The following CIAO2A variants were observed in gnomAD, a reference collection of about 807,000 sequenced individuals.
CIAO2A encodes the protein MIP18 family protein FAM96A.
A neutral mutation model predicts 22.4 loss-of-function variants in CIAO2A; 17 were observed. The ratio of observed to expected loss-of-function variants is 0.76; its 90% CI spans 0.52 to 1.14. The LOEUF (loss-of-function observed/expected upper bound fraction) is 1.14. Among genes scored for constraint, CIAO2A ranks in the 50% most tolerant of loss-of-function variants. The pLI, the probability that CIAO2A is intolerant of heterozygous loss-of-function variation, is 0.00. For synonymous variants in CIAO2A, 74 were observed against 72.3 expected, an observed-to-expected ratio of 1.02 and a Z score of -0.12; for missense variants, 192 against 191.4, an observed-to-expected ratio of 1.00 and a Z score of -0.02.
chr15:64,075,338 C>T (rs1236697245), intron 4 of CIAO2A, 154 bp downstream of exon 4: 2 of 544,294 alleles, frequency 3.7e-6, no homozygotes, highest in Non-Finnish European at 6.4e-6. Flanking sequence ...CTTTGAAATG[C>T]CTAGGTTTCC....
chr15:64,084,291 G>T (rs2080777618), intron 2 of CIAO2A, among the ~76,000 whole-genome samples: 1 of 151,888 alleles, frequency 6.6e-6, no homozygotes, highest in Non-Finnish European at 1.5e-5. Flanking sequence ...TACAGGTGTG[G>T]GCCACCACGT....
chr15:64,086,227 A>C (rs1382709361), intron 2 of CIAO2A, among the ~76,000 whole-genome samples: 1 of 151,438 alleles, frequency 6.6e-6, no homozygotes, highest in Non-Finnish European at 1.5e-5. Context: ...TGGCCAACAT[A>C]GTGAAACCCC....
intron 1 of CIAO2A, among the ~76,000 whole-genome samples, chr15:64,089,360 C>T (rs1413347976): frequency 6.6e-6 from 1 of 151,966 alleles, no homozygotes; most frequent in Non-Finnish European, 1.5e-5. Flanking sequence ...CCCGTCTCTA[C>T]AAAAAATACA....
At chr15:64,091,179 C>T (rs936916901) in intron 1 of CIAO2A, among the ~76,000 whole-genome samples, 3 of 152,130 alleles carry the variant, frequency 2.0e-5, no homozygotes, top group Non-Finnish European at 4.4e-5. Context: ...GGGCTTGTCA[C>T]TTGATTAGAA....
At chr15:64,079,696 G>C (rs2926690) in intron 3 of CIAO2A, among the ~76,000 whole-genome samples, 1 of 152,182 alleles carries the variant, frequency 6.6e-6, no homozygotes, top group African/African-American at 2.4e-5. Flanking sequence ...ATTCACGAGC[G>C]ATAACCAATT....
intron 3 of CIAO2A, among the ~76,000 whole-genome samples, chr15:64,080,643 C>T (rs769669182): frequency 5.3e-5 from 8 of 152,166 alleles, no homozygotes; most frequent in Admixed American, 1.3e-4. Context: ...GATGGCGCCA[C>T]TGAACTCCAG....
intron 3 of CIAO2A, among the ~76,000 whole-genome samples, chr15:64,078,726 A>C (rs2080738812): frequency 6.6e-6 from 1 of 151,644 alleles, no homozygotes; most frequent in Admixed American, 6.6e-5. Context: ...AGAAAAGGAC[A>C]CTCTCTACAT....
intron 2 of CIAO2A, among the ~76,000 whole-genome samples, chr15:64,086,280 C>T (rs942145767): frequency 4.0e-5 from 6 of 151,448 alleles, no homozygotes; most frequent in Non-Finnish European, 8.8e-5. Flanking sequence ...GGCATGGTGG[C>T]GGGCGCCTGT....
At chr15:64,074,398 T>C (rs981780208) in intron 4 of CIAO2A, 17 of 152,176 alleles carry the variant, frequency 1.1e-4, no homozygotes, top group Non-Finnish European at 2.2e-4. Flanking sequence ...ACTTAATAAA[T>C]ACTTACTAAA....
intron 3 of CIAO2A, among the ~76,000 whole-genome samples, chr15:64,079,642 A>C (rs1437649835): frequency 6.6e-6 from 1 of 152,222 alleles, no homozygotes; most frequent in African/African-American, 2.4e-5. Context: ...AGAAGGCATA[A>C]TTGCCCAGCA....
intron 2 of CIAO2A, 95 bp downstream of exon 2, chr15:64,088,592 T>A: frequency 2.9e-6 from 3 of 1,033,442 alleles, no homozygotes; most frequent in Admixed American, 2.9e-5. Context: ...ACTGTATGGT[T>A]TTTCAACAAT....
At chr15:64,092,097 A>C (rs919079273) in intron 1 of CIAO2A, among the ~76,000 whole-genome samples, 1 of 151,758 alleles carries the variant, frequency 6.6e-6, no homozygotes, top group Non-Finnish European at 1.5e-5. Context: ...AATTTAAAAG[A>C]AAGTTCTCCT....
At chr15:64,074,814 C>T (rs1039260480) in intron 4 of CIAO2A, 14 of 152,146 alleles carry the variant, frequency 9.2e-5, no homozygotes, top group African/African-American at 3.4e-4. Flanking sequence ...GCTCTTTCTT[C>T]CATTCCTCTG....
At chr15:64,078,956 A>T (rs2080740774) in intron 3 of CIAO2A, among the ~76,000 whole-genome samples, 1 of 152,038 alleles carries the variant, frequency 6.6e-6, no homozygotes, top group Non-Finnish European at 1.5e-5. Context: ...AGGGAGGCTC[A>T]CTTGAGCCTG....
chr15:64,077,074 A>G (rs1489758842), intron 3 of CIAO2A, among the ~76,000 whole-genome samples: 1 of 152,120 alleles, frequency 6.6e-6, no homozygotes, highest in Non-Finnish European at 1.5e-5. Context: ...GCAATTTGGG[A>G]GGCCGAGGCA....
At chr15:64,076,714 T>C (rs1402005519) in intron 3 of CIAO2A, among the ~76,000 whole-genome samples, 1 of 147,424 alleles carries the variant, frequency 6.8e-6, no homozygotes, top group Non-Finnish European at 1.5e-5. Flanking sequence ...AAAGGTCATC[T>C]AGTCCAATCT....
In CIAO2A at chr15:64,093,200, C is replaced by T. The variant is rs557597041; in HGVS notation, c.124+445G>A. ...AGTGGCTGTGACCTTGGGCCAGTCC[C>T]CAACTCGACTGTCACCCACAAGCGC... On this transcript the variant is annotated intron_variant, in intron 1 of 4. Transcript: ENST00000300030. Among the ~76,000 whole-genome samples the T allele has an allele frequency of 2.6e-4, 39 of 152,312 alleles. No homozygotes were observed. The South Asian group carries it at 8.1e-3, about 32-fold the overall frequency.
chr15:64,080,254 G>A (rs1203989993), intron 3 of CIAO2A, among the ~76,000 whole-genome samples: 1 of 152,172 alleles, frequency 6.6e-6, no homozygotes, highest in East Asian at 1.9e-4. Flanking sequence ...CGGGAATGGT[G>A]GTACATGCCT....
chr15:64,080,978 G>A (rs2080755132), intron 3 of CIAO2A, 124 bp downstream of exon 3: 1 of 839,374 alleles, frequency 1.2e-6, no homozygotes, highest in Non-Finnish European at 1.8e-6. Flanking sequence ...CATCAACTGA[G>A]TAACAGACAA....
Sources: allele counts gnomAD v4.1 joint callset (sites outside exome capture counted in the v4.1 genomes callset), GRCh38; gene constraint gnomAD v4.1.1; transcripts MANE v1.5; gene names NCBI Gene and HGNC (gene_info 2026-07-23, HGNC 2026-07-21).